Variants in ACOXL observed in about 807,000 individuals in gnomAD.
ACOXL encodes the protein acyl-coenzyme A oxidase-like protein.
Under a neutral mutation model 71.9 loss-of-function variants are expected in ACOXL, and 70 were observed. The ratio of observed to expected loss-of-function variants is 0.97; its 90% confidence interval spans 0.80 to 1.19. ACOXL has a LOEUF of 1.19. Among genes scored for constraint, ACOXL ranks in the 50% most tolerant of loss-of-function variants. The pLI, the probability that ACOXL is intolerant of heterozygous loss-of-function variation, is 0.00. For synonymous variants in ACOXL, 253 were observed against 281.6 expected, an observed-to-expected ratio of 0.90 and a Z score of 1.02; for missense variants, 703 against 736.3, an observed-to-expected ratio of 0.95 and a Z score of 0.52.
At chr2:110,908,929 T>C in intron 11 of ACOXL, 24 bp downstream of exon 11, 1 of 1,579,766 alleles carries the variant, frequency 6.3e-7, no homozygotes, top group East Asian at 2.2e-5. Flanking sequence ...CAGGGTTTGC[T>C]CTCTTAGGGT....
At chr2:110,783,721 A>G (rs1021771627) in intron 2 of ACOXL, among the ~76,000 whole-genome samples, 2 of 152,164 alleles carry the variant, frequency 1.3e-5, no homozygotes, top group African/African-American at 4.8e-5. Context: ...ATGCACACAC[A>G]TGTACATACA....
intron 3 of ACOXL, among the ~76,000 whole-genome samples, chr2:110,785,677 T>C (rs1421273534): frequency 6.6e-6 from 1 of 152,192 alleles, no homozygotes; most frequent in Non-Finnish European, 1.5e-5. Context: ...TTCATCCACT[T>C]TCTCATGTTG....
chr2:110,828,324 C>T (rs1366312014), intron 9 of ACOXL, among the ~76,000 whole-genome samples: 1 of 152,140 alleles, frequency 6.6e-6, no homozygotes, highest in Non-Finnish European at 1.5e-5. Flanking sequence ...TGCTTTTATA[C>T]ACAGGGTTCT....
In ACOXL at chr2:110,995,379, A is replaced by T. The variant is rs111873927; in HGVS notation, c.1170-514A>T. ...GCCAGGCACAGTGGCATGTGCCTGT[A>T]ATCCCCACTACTCAGGAAGCTGAGG... On this transcript the variant is annotated intron_variant, in intron 13 of 17. Transcript: ENST00000439055. 3.9e-3 allele frequency among the ~76,000 whole-genome samples: 587 copies of T among 151,512 alleles called. 5 individuals carry two copies. The highest frequency in any genetic ancestry group is 0.013 in the African/African-American group (538 of 41,382).
intron 10 of ACOXL, among the ~76,000 whole-genome samples, chr2:110,878,842 G>A (rs1406255755): frequency 6.6e-6 from 1 of 151,634 alleles, no homozygotes; most frequent in Non-Finnish European, 1.5e-5. Context: ...GGTGGATCAC[G>A]AGGTCAGGAG....
intron 10 of ACOXL, among the ~76,000 whole-genome samples, chr2:110,870,831 G>T (rs530914184): frequency 2.6e-5 from 4 of 152,148 alleles, no homozygotes; most frequent in Non-Finnish European, 5.9e-5. Flanking sequence ...TGGAAATGGT[G>T]GGGGGAGGAA....
chr2:110,816,439 AAAAC>A (rs1303682313), intron 9 of ACOXL, among the ~76,000 whole-genome samples: 1 of 152,250 alleles, frequency 6.6e-6, no homozygotes, highest in Non-Finnish European at 1.5e-5. Context: ...TAGAAAAAGA[AAAAC>A]AAGCACTTTC....
chr2:110,739,079 G>A (rs942918544), intron 1 of ACOXL, among the ~76,000 whole-genome samples: 25 of 152,186 alleles, frequency 1.6e-4, no homozygotes, highest in African/African-American at 5.1e-4. Context: ...TTTTCTTTGA[G>A]TTCCTTTATT....
rs117906508 is a variant in ACOXL, at chr2:111,068,500, G to C, written c.1440+19212G>C. On this transcript the variant is annotated intron_variant, in intron 16 of 17. Transcript: ENST00000439055. ...GAATCCTCTTAAGCTGCTCTGCATA[G>C]GTTCAGGATAAGCCTGAAGTGGCTG... Among the ~76,000 whole-genome samples the C allele has an allele frequency of 6.1e-4, 93 of 152,314 alleles. 2 individuals are homozygous for C. In the East Asian group the frequency reaches 0.015, roughly 24 times the overall value.
intron 11 of ACOXL, among the ~76,000 whole-genome samples, chr2:110,922,337 C>T (rs796702464): frequency 2.0e-5 from 3 of 152,176 alleles, no homozygotes; most frequent in Non-Finnish European, 4.4e-5. Context: ...ATCAAAATAA[C>T]TTGATGATGA....
At chr2:111,037,163 C>G (rs1574559739) in intron 15 of ACOXL, among the ~76,000 whole-genome samples, 1 of 152,154 alleles carries the variant, frequency 6.6e-6, no homozygotes, top group Non-Finnish European at 1.5e-5. Context: ...GTTCCCTCCC[C>G]AAGCTTCTCC....
chr2:110,941,121 C>T lies in ACOXL; in HGVS notation c.1059+7479C>T, dbSNP rs368722659. On this transcript the variant is annotated intron_variant, in intron 12 of 17. Coordinates refer to ENST00000439055, the MANE Select transcript of ACOXL (RefSeq NM_001142807.4). ...TTCATAATTCATATTCATGCAAGCA[C>T]CTCATAGCCTCAATGACTGCTGATT... Among the ~76,000 whole-genome samples the T allele has an allele frequency of 7.9e-4, 121 of 152,320 alleles. 2 individuals carry two copies. In the South Asian group the frequency reaches 0.023, roughly 29 times the overall value.
chr2:111,027,648 C>A (rs62163297), intron 14 of ACOXL, among the ~76,000 whole-genome samples: 48,138 of 152,038 alleles, frequency 0.32, 8,027 homozygotes, highest in Non-Finnish European at 0.36. Flanking sequence ...ATAAGTACCT[C>A]AAAGCATAAA....
At chr2:110,842,574 C>G (rs181686096) in intron 10 of ACOXL, among the ~76,000 whole-genome samples, 1 of 152,240 alleles carries the variant, frequency 6.6e-6, no homozygotes, top group East Asian at 1.9e-4. Context: ...TGGAGAAGTG[C>G]ACAGTTGTAG....
chr2:111,072,545 A>G (rs1574672599), intron 16 of ACOXL, among the ~76,000 whole-genome samples: 2 of 152,336 alleles, frequency 1.3e-5, no homozygotes, highest in Admixed American at 1.3e-4. Context: ...GAGCTGCTAT[A>G]AGTATTCATG....
intron 12 of ACOXL, 125 bp from the exon 13 acceptor site, chr2:110,986,983 G>T (rs1027448974): frequency 4.0e-6 from 3 of 755,250 alleles, no homozygotes; most frequent in African/African-American, 1.7e-5. Context: ...TAAGAATGAG[G>T]TCTTGTATTT....
intron 10 of ACOXL, among the ~76,000 whole-genome samples, chr2:110,878,579 A>G (rs1044693478): frequency 1.3e-5 from 2 of 152,138 alleles, no homozygotes; most frequent in Non-Finnish European, 2.9e-5. Flanking sequence ...CCTCGCCAAC[A>G]TGGTGAAACC....
chr2:110,940,434 G>A (rs1480031465), intron 12 of ACOXL, among the ~76,000 whole-genome samples: 2 of 152,212 alleles, frequency 1.3e-5, no homozygotes, highest in Non-Finnish European at 2.9e-5. Context: ...GTTTTCACTG[G>A]AATGTTATTA....
chr2:110,987,999 T>A (rs1452425601), intron 13 of ACOXL, among the ~76,000 whole-genome samples: 1 of 152,232 alleles, frequency 6.6e-6, no homozygotes, highest in East Asian at 1.9e-4. Context: ...TAAATCACCA[T>A]GGACACCCAT....
Sources: allele counts gnomAD v4.1 joint callset (sites outside exome capture counted in the v4.1 genomes callset), GRCh38; gene constraint gnomAD v4.1.1; transcripts MANE v1.5; gene names NCBI Gene and HGNC (gene_info 2026-07-23, HGNC 2026-07-21).